DPP10: variants seen among roughly 807,000 people sequenced by gnomAD.
The protein encoded by DPP10 is dipeptidyl peptidase like 10.
DPP10 carries 33 observed loss-of-function variants against 120.9 expected under a neutral mutation model. The observed-to-expected ratio is 0.27, with a 90% CI of 0.21 to 0.37. The LOEUF is 0.37. Among genes scored for constraint, DPP10 ranks in the 10% least tolerant of loss-of-function variants. The pLI, the probability that DPP10 is intolerant of heterozygous loss-of-function variation, is 1.00. For missense variants in DPP10, 816 were observed against 942.8 expected (o/e 0.87, Z 1.76); for synonymous variants, 337 against 326.1 (o/e 1.03, Z -0.36).
intron 1 of DPP10, among the ~76,000 whole-genome samples, chr2:114,712,490 T>C (rs1230167104): frequency 6.6e-6 from 1 of 152,158 alleles, no homozygotes; most frequent in Non-Finnish European, 1.5e-5. Context: ...TAGGACTCCT[T>C]CCCAGGGCTA....
In DPP10 at chr2:115,750,664, T is replaced by C. The variant is rs1468886503; in HGVS notation, c.951-2510T>C. 2.6e-5 allele frequency among the ~76,000 whole-genome samples: 4 copies of C among 152,244 alleles called. No homozygotes were observed. The South Asian group carries it at 8.3e-4, about 31-fold the overall frequency. On this transcript the variant is annotated intron_variant, in intron 10 of 25. Coordinates refer to ENST00000410059, the MANE Select transcript of DPP10 (RefSeq NM_020868.6). ...TAAGTATATTGCTGTAAATTAATGA[T>C]TTTCAAGTTAACAGTTTACAACTAA...
chr2:115,782,510 A>G, intron 17 of DPP10, 111 bp downstream of exon 17: 1 of 1,035,082 alleles, frequency 9.7e-7, no homozygotes, highest in Admixed American at 2.0e-5. Flanking sequence ...AAAAATCCCC[A>G]CCATGAGGAA....
intron 13 of DPP10, among the ~76,000 whole-genome samples, chr2:115,769,755 T>C (rs774264392): frequency 3.3e-5 from 5 of 151,946 alleles, no homozygotes; most frequent in Non-Finnish European, 7.4e-5. Context: ...TAAGGGAACT[T>C]TTTTTATGAA....
intron 1 of DPP10, among the ~76,000 whole-genome samples, chr2:114,658,823 C>A (rs1282671586): frequency 6.6e-6 from 1 of 152,096 alleles, no homozygotes; most frequent in Non-Finnish European, 1.5e-5. Context: ...TGATTGATGT[C>A]AGACATTTAG....
chr2:115,787,097 G>T (rs1446485), intron 17 of DPP10, among the ~76,000 whole-genome samples: 143,730 of 152,248 alleles, frequency 0.94, 68,417 homozygotes, highest in East Asian at 1. Flanking sequence ...AAGATTTCTT[G>T]AAAAGTCTTG....
At chr2:114,520,556 C>T (rs1229277886) in intron 1 of DPP10, among the ~76,000 whole-genome samples, 1 of 152,148 alleles carries the variant, frequency 6.6e-6, no homozygotes, top group Non-Finnish European at 1.5e-5. Context: ...GAAGCATGAA[C>T]AATGTATAGA....
chr2:115,682,547 C>T (rs1057116756), intron 5 of DPP10, among the ~76,000 whole-genome samples: 3 of 151,788 alleles, frequency 2.0e-5, no homozygotes, highest in African/African-American at 7.2e-5. Flanking sequence ...ATTTATATAA[C>T]AGGGAATATA....
intron 25 of DPP10, among the ~76,000 whole-genome samples, chr2:115,841,157 C>G (rs2150137729): frequency 6.6e-6 from 1 of 151,890 alleles, no homozygotes; most frequent in East Asian, 1.9e-4. Context: ...TCTTCCTTTT[C>G]TTGTTCCTTT....
intron 1 of DPP10, among the ~76,000 whole-genome samples, chr2:114,962,034 G>A (rs1421519611): frequency 1.3e-5 from 2 of 152,070 alleles, no homozygotes; most frequent in Non-Finnish European, 2.9e-5. Flanking sequence ...TGTTAGATTG[G>A]CTGCTACTGC....
intron 1 of DPP10, among the ~76,000 whole-genome samples, chr2:115,109,831 C>T (rs1387211664): frequency 1.3e-5 from 2 of 152,128 alleles, no homozygotes; most frequent in Non-Finnish European, 2.9e-5. Context: ...AAACATCCTA[C>T]AATTAACAGA....
chr2:114,989,595 A>T (rs765220422), intron 1 of DPP10, among the ~76,000 whole-genome samples: 2 of 152,212 alleles, frequency 1.3e-5, no homozygotes, highest in Non-Finnish European at 2.9e-5. Context: ...CTCATGTGAG[A>T]TCATTCTAAC....
intron 1 of DPP10, among the ~76,000 whole-genome samples, chr2:114,765,499 C>T (rs1012423937): frequency 6.6e-6 from 1 of 152,120 alleles, no homozygotes; most frequent in African/African-American, 2.4e-5. Context: ...AGAGATGGAG[C>T]CACGAGCATA....
intron 1 of DPP10, among the ~76,000 whole-genome samples, chr2:114,893,502 T>C (rs997854883): frequency 4.0e-5 from 6 of 151,816 alleles, no homozygotes; most frequent in African/African-American, 9.7e-5. Context: ...GATGAGAAAA[T>C]AGCAGAACAG....
chr2:115,834,307 G>A (rs114120661), intron 21 of DPP10, among the ~76,000 whole-genome samples: 1 of 152,156 alleles, frequency 6.6e-6, no homozygotes, highest in African/African-American at 2.4e-5. Flanking sequence ...CTATAACCTG[G>A]ACCACACTTG....
At chr2:115,354,948 C>T (rs559795879) in intron 3 of DPP10, among the ~76,000 whole-genome samples, 3 of 152,278 alleles carry the variant, frequency 2.0e-5, no homozygotes, top group Admixed American at 1.3e-4. Flanking sequence ...TCCAGTCTAT[C>T]ACTGTTGGGC....
chr2:114,658,919 C>A (rs1247932395), intron 1 of DPP10, among the ~76,000 whole-genome samples: 1 of 152,122 alleles, frequency 6.6e-6, no homozygotes, highest in South Asian at 2.1e-4. Context: ...GAGGGTGAAA[C>A]CTGGTGGGAG....
intron 1 of DPP10, among the ~76,000 whole-genome samples, chr2:115,077,692 C>T (rs951326789): frequency 1.3e-5 from 2 of 152,226 alleles, no homozygotes; most frequent in African/African-American, 2.4e-5. Flanking sequence ...GCCTGAGACC[C>T]TGCAGTGCAG....
intron 1 of DPP10, among the ~76,000 whole-genome samples, chr2:114,827,245 T>C (rs1384065572): frequency 6.6e-6 from 1 of 152,162 alleles, no homozygotes; most frequent in Non-Finnish European, 1.5e-5. Context: ...TGGAGAGGTG[T>C]GTAATAATTA....
At chr2:115,716,036 T>G (rs2092482430) in intron 7 of DPP10, among the ~76,000 whole-genome samples, 1 of 152,206 alleles carries the variant, frequency 6.6e-6, no homozygotes, top group African/African-American at 2.4e-5. Flanking sequence ...GAAGCTGCCT[T>G]TTAGAAGGAT....
Sources: allele counts gnomAD v4.1 joint callset (sites outside exome capture counted in the v4.1 genomes callset), GRCh38; gene constraint gnomAD v4.1.1; transcripts MANE v1.5; gene names NCBI Gene and HGNC (gene_info 2026-07-23, HGNC 2026-07-21).